The following MICALL1 variants were observed in gnomAD, a reference collection of about 807,000 sequenced individuals.
The protein encoded by MICALL1 is MICAL-like protein 1.
Under a neutral mutation model 83.7 loss-of-function variants are expected in MICALL1, and 61 were observed. The ratio of observed to expected loss-of-function variants is 0.73; its 90% CI spans 0.59 to 0.90. MICALL1 has a LOEUF of 0.90. Ranked by LOEUF, MICALL1 falls within the 40% of genes least tolerant of loss-of-function variation. The pLI is 0.00. For synonymous variants in MICALL1, 481 were observed against 473.6 expected (o/e 1.02, Z -0.20); for missense variants, 1,066 against 1,152.0 (o/e 0.93, Z 1.08).
intron 6 of MICALL1, 151 bp downstream of exon 6, chr22:37,922,577 T>TTATATATATATATATATATATATA (rs1396419615): frequency 6.1e-5 from 7 of 115,148 alleles, no homozygotes; most frequent in Non-Finnish European, 8.9e-5. Flanking sequence ...TTTGAGGTTA[T>TTATATATATATATATATATATATA]TATATATATA....
At position 37,924,746 on chromosome 22, in the gene MICALL1, C is replaced by T. The variant is rs200378160; in HGVS notation, c.1082+29C>T. On this transcript the variant is annotated intron_variant, in intron 7 of 15. Transcript: ENST00000215957. This position sits in a 1 kb window ranked among gnomAD's most constrained non-coding sequence, Gnocchi z 5.2. ...TGTCGATCCCTGAGGGGCTTTCCTG[C>T]TTTGGAGGTCCTGGTGGTGGGAATC... 12 of 1,606,346 alleles carry T rather than the reference C, an allele frequency of 7.5e-6. No homozygotes were observed. The African/African-American group carries it at 1.5e-4, about 20-fold the overall frequency.
chr22:37,917,751 C>T lies in MICALL1; in HGVS notation c.382C>T (p.Pro128Ser). 1.2e-6 allele frequency: 2 copies of T among 1,613,970 alleles called. No individual in the cohort carries two copies. The highest frequency in any genetic ancestry group is 1.7e-6 in the Non-Finnish European group (2 of 1,179,916). The change falls in exon 4 of 16, where the codon CCG becomes TCG. Residue 128 changes from proline (P) to serine (S), a missense_variant. Physicochemically the swap from Pro to Ser is moderately conservative, Grantham distance 74 (BLOSUM62 -1). Transcript: ENST00000215957. ...AAAGGGCCTTGCACCCTGTTCCCCGCCGTCTGTAGCACCCACTCCAGTGGA... is the reference window on the plus strand; with the variant it reads ...AAAGGGCCTTGCACCCTGTTCCCCGTCGTCTGTAGCACCCACTCCAGTGGA... ...PRKGLAPCSP[P>S]SVAPTPVEPE...
At chr22:37,935,539 G>A (rs891188827) in intron 13 of MICALL1, among the ~76,000 whole-genome samples, 4 of 151,904 alleles carry the variant, frequency 2.6e-5, no homozygotes, top group Admixed American at 2.0e-4. Context: ...GATTACAGGC[G>A]TGAGCCACCG....
Position 37,906,478 on chromosome 22 carries a change from A to C in MICALL1, c.56A>C (p.Tyr19Ser), listed in dbSNP as rs2145864584. The change falls in exon 1 of 16, where the codon TAC (tyrosine) becomes TCC (serine). Residue 19 changes from tyrosine (Y) to serine (S), a missense_variant. Coordinates refer to ENST00000215957, the MANE Select transcript of MICALL1 (RefSeq NM_033386.4). The surrounding 1 kb of genome is among the most constrained non-coding windows in gnomAD (Gnocchi z 4.4). ...TGGTGCCGCCGCCAGTGCGAGGGCTACCGCGGCGTGGAGATCCGCGACCTG... is the reference window on the plus strand; with the variant it reads ...TGGTGCCGCCGCCAGTGCGAGGGCTCCCGCGGCGTGGAGATCCGCGACCTG... The part of the protein sequence containing the change: ...LAWCRRQCEG[Y>S]RGVEIRDLSS... 4 of 1,241,812 alleles carry C rather than the reference A, an allele frequency of 3.2e-6. No homozygotes were observed. Among genetic ancestry groups the C allele is most frequent in the Admixed American group, 3.5e-5 (1 of 28,864 alleles). The allele number at this position is 1,241,812 out of a possible 1,614,324, so 76.9% of individuals were successfully genotyped here.
Position 37,930,772 on chromosome 22 carries a change from C to A in MICALL1, c.1882-1027C>A, listed in dbSNP as rs1929746496. 6.6e-6 allele frequency among the ~76,000 whole-genome samples: 1 copy of A among 152,196 alleles called. No homozygotes were observed. Among genetic ancestry groups the A allele is most frequent in the African/African-American group, 2.4e-5 (1 of 41,446 alleles). ...CTGGGTGTGTGGGTACTGGGCTGTGCAGCAGAGGATGAGATCTTTCTCTGG... is the reference window on the plus strand; with the variant it reads ...CTGGGTGTGTGGGTACTGGGCTGTGAAGCAGAGGATGAGATCTTTCTCTGG... On this transcript the variant is annotated intron_variant, in intron 9 of 15. Transcript: ENST00000215957. The surrounding 1 kb of genome is among the most constrained non-coding windows in gnomAD (Gnocchi z 4.8).
chr22:37,928,839 C>A (rs1373029662), intron 9 of MICALL1, among the ~76,000 whole-genome samples: 1 of 152,100 alleles, frequency 6.6e-6, no homozygotes, highest in African/African-American at 2.4e-5. Context: ...AAAACCCTAT[C>A]CTGGCTGGGC....
Position 37,932,010 on chromosome 22 carries a change from G to A in MICALL1, c.2016+77G>A. The A allele has an allele frequency of 6.5e-7, 1 of 1,550,126 alleles. No homozygotes were observed. Among genetic ancestry groups the A allele is most frequent in the Non-Finnish European group, 8.7e-7 (1 of 1,152,780 alleles). ...ACTCTGCAGCTGCAGTCTTCCCCTG[G>A]GACTCTAAGGAGGCTGGCTGGCTAG... is the stretch of plus-strand genomic sequence containing the variant. On this transcript the variant is annotated intron_variant, in intron 10 of 15. Transcript: ENST00000215957. This position sits in a 1 kb window ranked among gnomAD's most constrained non-coding sequence, Gnocchi z 4.4.
chr22:37,925,536 G>A (rs1451063909), intron 7 of MICALL1, 125 bp from the exon 8 acceptor site: 6 of 648,924 alleles, frequency 9.2e-6, no homozygotes, highest in African/African-American at 3.7e-5. Flanking sequence ...GGGGATGGGG[G>A]TGGGAGAAGG....
At chr22:37,909,217 T>A (rs1187915266) in intron 1 of MICALL1, among the ~76,000 whole-genome samples, 1 of 151,456 alleles carries the variant, frequency 6.6e-6, no homozygotes, top group Non-Finnish European at 1.5e-5. Context: ...CATGCCTGGC[T>A]AATTTTTGTA....
chr22:37,932,463 G>A lies in MICALL1; in HGVS notation c.2017-90G>A. The A allele has an allele frequency of 6.4e-7, 1 of 1,557,422 alleles. No homozygotes were observed. Among genetic ancestry groups the A allele is most frequent in the South Asian group, 1.2e-5 (1 of 83,066 alleles). On this transcript the variant is annotated intron_variant, in intron 10 of 15. Coordinates refer to ENST00000215957, the MANE Select transcript of MICALL1 (RefSeq NM_033386.4). This position sits in a 1 kb window ranked among gnomAD's most constrained non-coding sequence, Gnocchi z 4.4. Reference sequence around the variant, plus strand: ...TGGGGGACAGGGCCCGGGCCCTGGAGCCACCAGTGGCCAATGCTGGCCAGA... The same window carrying A: ...TGGGGGACAGGGCCCGGGCCCTGGAACCACCAGTGGCCAATGCTGGCCAGA...
At chr22:37,923,933 C>T (rs1009580830) in intron 6 of MICALL1, among the ~76,000 whole-genome samples, 2 of 152,088 alleles carry the variant, frequency 1.3e-5, no homozygotes, top group African/African-American at 2.4e-5. Context: ...GACCCCTGGC[C>T]CATTCTGTGG....
chr22:37,911,990 A>G lies in MICALL1; in HGVS notation c.185A>G (p.Asn62Ser). The change falls in exon 2 of 16, where the codon AAT becomes AGT. Residue 62 changes from asparagine (N) to serine (S), a missense_variant. Coordinates refer to ENST00000215957, the MANE Select transcript of MICALL1 (RefSeq NM_033386.4). ...CTTTCCAAGGACAATGTCTTCGAGAATAACCGTTTGGTAAGTTCCCGGACA... is the reference window on the plus strand; with the variant it reads ...CTTTCCAAGGACAATGTCTTCGAGAGTAACCGTTTGGTAAGTTCCCGGACA... The part of the protein sequence containing the change: ...DSLSKDNVFE[N>S]NRLAFEVAEK... The G allele has an allele frequency of 1.2e-6, 2 of 1,614,178 alleles. No homozygotes were observed. Among genetic ancestry groups the G allele is most frequent in the South Asian group, 2.2e-5 (2 of 91,086 alleles).
intron 13 of MICALL1, among the ~76,000 whole-genome samples, chr22:37,935,887 A>G (rs559548011): frequency 1.3e-5 from 2 of 151,610 alleles, no homozygotes; most frequent in East Asian, 3.9e-4. Context: ...GTGCCACCAC[A>G]CCCCGCTAAT....
At chr22:37,940,465 C>T (rs1930375676) in intron 15 of MICALL1, among the ~76,000 whole-genome samples, 1 of 151,990 alleles carries the variant, frequency 6.6e-6, no homozygotes, top group Non-Finnish European at 1.5e-5. Flanking sequence ...CTTACATGTG[C>T]TGACCATCTT....
At chr22:37,920,435 C>G (rs1041121209) in intron 5 of MICALL1, among the ~76,000 whole-genome samples, 8 of 151,836 alleles carry the variant, frequency 5.3e-5, no homozygotes, top group African/African-American at 1.9e-4. Context: ...ACAGACTCTA[C>G]CAACACAGTC....
intron 5 of MICALL1, among the ~76,000 whole-genome samples, chr22:37,919,669 AT>A (rs1177839852): frequency 6.6e-6 from 1 of 150,900 alleles, no homozygotes; most frequent in African/African-American, 2.4e-5. Context: ...CATTGAAAAA[AT>A]AAAATGAAAT....
chr22:37,939,138 T>C (rs1033041423), intron 15 of MICALL1, among the ~76,000 whole-genome samples: 2 of 152,216 alleles, frequency 1.3e-5, no homozygotes, highest in African/African-American at 4.8e-5. Flanking sequence ...CAAGTCAGAC[T>C]ACTTGAGTTC....
At position 37,930,063 on chromosome 22, in the gene MICALL1, C is replaced by T. The variant is rs1929706006; in HGVS notation, c.1882-1736C>T. 6.6e-6 allele frequency among the ~76,000 whole-genome samples: 1 copy of T among 152,208 alleles called. No homozygotes were observed. Among genetic ancestry groups the T allele is most frequent in the Non-Finnish European group, 1.5e-5 (1 of 68,030 alleles). ...GAGTGCTCGAAAGACCCCCTGGTTC[C>T]TTGGTGGTGGAGGGCACGGGGGTGG... On this transcript the variant is annotated intron_variant, in intron 9 of 15. Transcript: ENST00000215957. This position sits in a 1 kb window ranked among gnomAD's most constrained non-coding sequence, Gnocchi z 4.8.
rs564430638 is a variant in MICALL1 at position 37,942,132 on chromosome 22, A to T, written c.*1302A>T. ...ATGTTGGGGCCATCCTCCAAGAGGG[A>T]TCTCTGCCCTCACCGCCTGCCACTG... is the stretch of plus-strand genomic sequence containing the variant. On this transcript the variant is annotated 3_prime_UTR_variant, in exon 16 of 16. Coordinates refer to ENST00000215957, the MANE Select transcript of MICALL1 (RefSeq NM_033386.4). 6.6e-6 allele frequency: 1 copy of T among 152,312 alleles called. No individual in the cohort carries two copies. The highest frequency in any genetic ancestry group is 6.5e-5 in the Admixed American group (1 of 15,302). 9.4% of individuals were successfully genotyped at this position (152,312 alleles called of 1,614,324 possible). A position where few individuals can be genotyped will look rare whatever the true frequency, so the allele number is the denominator to read the frequency against.
Sources: allele counts gnomAD v4.1 joint callset (sites outside exome capture counted in the v4.1 genomes callset), GRCh38; gene constraint gnomAD v4.1.1; non-coding constraint Gnocchi (gnomAD v3.1); transcripts MANE v1.5; gene names NCBI Gene and HGNC (gene_info 2026-07-23, HGNC 2026-07-21).